NRXN1: variants seen among roughly 807,000 people sequenced by gnomAD.
NRXN1 encodes the protein neurexin-1.
A neutral mutation model predicts 150.9 loss-of-function variants in NRXN1; 39 were observed. The observed-to-expected ratio is 0.26, with a 90% CI of 0.20 to 0.34. The LOEUF is 0.34. NRXN1 is among the 10% of genes least tolerant of loss of function. The pLI is 1.00. For synonymous variants in NRXN1, 924 were observed against 757.0 expected (o/e 1.22, Z -3.62); for missense variants, 1,815 against 1,949.9 (o/e 0.93, Z 1.30).
rs550400854 is a variant in NRXN1, at chr2:50,389,216, C to T, written c.3364+76226G>A. ...TAAAAAGTAAATATGTGTGCAAGCACAACATCAGACCAAAATGGTGATAAA... is the reference window on the plus strand; with the variant it reads ...TAAAAAGTAAATATGTGTGCAAGCATAACATCAGACCAAAATGGTGATAAA... On this transcript the variant is annotated intron_variant, in intron 17 of 22. Coordinates refer to ENST00000401669, the MANE Select transcript of NRXN1 (RefSeq NM_001330078.2). 2.0e-5 allele frequency among the ~76,000 whole-genome samples: 3 copies of T among 150,490 alleles called. No homozygotes were observed. The South Asian group carries it at 6.4e-4, about 32-fold the overall frequency.
rs192018698 is a variant in NRXN1 at position 50,365,351 on chromosome 2, C to T, written c.3364+100091G>A. On this transcript the variant is annotated intron_variant, in intron 17 of 22. Transcript: ENST00000401669. ...TCCTAATCAATTTTAAATGCATTTA[C>T]ATTCATGGAGGAATAAAACCTACTC... 6.3e-3 allele frequency among the ~76,000 whole-genome samples: 962 copies of T among 152,024 alleles called. 10 individuals carry two copies. Among genetic ancestry groups the T allele is most frequent in the Non-Finnish European group, 1.0e-2 (677 of 67,926 alleles).
At chr2:50,541,322 G>C (rs1055941025) in intron 9 of NRXN1, among the ~76,000 whole-genome samples, 1 of 152,112 alleles carries the variant, frequency 6.6e-6, no homozygotes, top group Non-Finnish European at 1.5e-5. Context: ...CTCCTGAGTC[G>C]AGGAAATTCA....
At chr2:50,103,156 A>T (rs1334084769) in intron 18 of NRXN1, among the ~76,000 whole-genome samples, 4 of 152,052 alleles carry the variant, frequency 2.6e-5, no homozygotes, top group Non-Finnish European at 5.9e-5. Context: ...ATCAACAGGG[A>T]CTCACATCTT....
intron 18 of NRXN1, among the ~76,000 whole-genome samples, chr2:50,166,279 A>ATGTGTGTGTGTGTGTGTGTGTGTG (rs70946894): frequency 1.9e-4 from 25 of 131,496 alleles, no homozygotes; most frequent in East Asian, 4.5e-4. Context: ...TACTCAACGT[A>ATGTGTGTGTGTGTGTGTGTGTGTG]TGTGTGTGTG....
chr2:50,410,357 C>A (rs1411453584), intron 17 of NRXN1, among the ~76,000 whole-genome samples: 1 of 152,228 alleles, frequency 6.6e-6, no homozygotes, highest in African/African-American at 2.4e-5. Context: ...CTAAAACACA[C>A]ATGTGATACT....
chr2:50,356,988 A>T (rs993393650), intron 17 of NRXN1, among the ~76,000 whole-genome samples: 3 of 152,166 alleles, frequency 2.0e-5, no homozygotes, highest in Non-Finnish European at 2.9e-5. Context: ...ATGCCCTTAA[A>T]TGATGAAAAC....
chr2:50,051,482 AATTT>A (rs1692698598), intron 21 of NRXN1, among the ~76,000 whole-genome samples: 3 of 152,196 alleles, frequency 2.0e-5, no homozygotes, highest in South Asian at 4.1e-4. Context: ...AAAGTCTATC[AATTT>A]ATTTGTTTCA....
chr2:50,777,267 C>T (rs1464961052), intron 5 of NRXN1, among the ~76,000 whole-genome samples: 1 of 151,962 alleles, frequency 6.6e-6, no homozygotes, highest in African/African-American at 2.4e-5. Flanking sequence ...TTTCTTTTAG[C>T]AAATGGGATA....
At chr2:50,171,703 A>G (rs2152801666) in intron 18 of NRXN1, among the ~76,000 whole-genome samples, 1 of 152,308 alleles carries the variant, frequency 6.6e-6, no homozygotes, top group Middle Eastern at 3.4e-3. Flanking sequence ...TCTTTATTAG[A>G]AGAATGTTAA....
chr2:50,092,096 C>G (rs1699657462), intron 18 of NRXN1, among the ~76,000 whole-genome samples: 1 of 152,134 alleles, frequency 6.6e-6, no homozygotes, highest in South Asian at 2.1e-4. Context: ...AGGTACAAGA[C>G]TTGTTCAAGG....
chr2:50,915,102 G>A (rs184755407), intron 5 of NRXN1, among the ~76,000 whole-genome samples: 45 of 151,688 alleles, frequency 3.0e-4, no homozygotes, highest in Admixed American at 9.9e-4. Context: ...CAGGGTGGTC[G>A]GTTTTAGTCT....
chr2:50,798,674 T>C (rs1707173666), intron 5 of NRXN1, among the ~76,000 whole-genome samples: 1 of 152,174 alleles, frequency 6.6e-6, no homozygotes. Flanking sequence ...GGTAAAGAAA[T>C]ATCAGAAATG....
intron 8 of NRXN1, among the ~76,000 whole-genome samples, chr2:50,590,001 T>C (rs1162779050): frequency 6.6e-6 from 1 of 152,202 alleles, no homozygotes; most frequent in African/African-American, 2.4e-5. Flanking sequence ...AATGAATGTA[T>C]ACACAAATGA....
intron 15 of NRXN1, among the ~76,000 whole-genome samples, chr2:50,475,492 T>C (rs1309362800): frequency 4.6e-5 from 7 of 152,154 alleles, no homozygotes; most frequent in Non-Finnish European, 1.0e-4. Context: ...ACAATCCCTA[T>C]GTTTTTCTAT....
At chr2:50,475,764 G>C (rs1055981693) in intron 15 of NRXN1, among the ~76,000 whole-genome samples, 1 of 151,934 alleles carries the variant, frequency 6.6e-6, no homozygotes, top group African/African-American at 2.4e-5. Flanking sequence ...CCCTTGGTGG[G>C]TTGCCACATG....
chr2:50,359,242 T>C (rs888421517), intron 17 of NRXN1, among the ~76,000 whole-genome samples: 2 of 151,758 alleles, frequency 1.3e-5, no homozygotes, highest in South Asian at 2.1e-4. Context: ...GGAACAAAAC[T>C]GGACGGCGAA....
chr2:50,627,896 G>C (rs1269489274), intron 5 of NRXN1, among the ~76,000 whole-genome samples: 1 of 151,612 alleles, frequency 6.6e-6, no homozygotes, highest in Non-Finnish European at 1.5e-5. Flanking sequence ...TCAGACAGAA[G>C]TGATATATAG....
chr2:49,998,668 C>CT lies in NRXN1; in HGVS notation c.4128+54602dup, dbSNP rs35871959. On this transcript the variant is annotated intron_variant, in intron 21 of 22. Transcript: ENST00000401669. ...CAAAGGATGATGGACATAATTTAAC[C>CT]TTTTTAAAAAAAATAATGTCATGGC... Among the ~76,000 whole-genome samples, 685 of 152,244 alleles carry CT rather than the reference C, an allele frequency of 4.5e-3. 4 individuals carry two copies. Among genetic ancestry groups the CT allele is most frequent in the African/African-American group, 0.016 (662 of 41,536 alleles).
At chr2:50,705,586 A>T (rs1267512359) in intron 5 of NRXN1, among the ~76,000 whole-genome samples, 1 of 152,158 alleles carries the variant, frequency 6.6e-6, no homozygotes, top group African/African-American at 2.4e-5. Flanking sequence ...TAATCTCCTG[A>T]CCAATGCAGT....
Sources: gnomAD v4.1 joint callset for allele counts (sites outside exome capture counted in the v4.1 genomes callset) on GRCh38, gnomAD v4.1.1 for gene constraint, MANE v1.5 for transcripts, NCBI Gene and HGNC (gene_info 2026-07-23, HGNC 2026-07-21) for gene names.